HEATR4: variants seen among roughly 807,000 people sequenced by gnomAD.
HEATR4 encodes HEAT repeat-containing protein 4.
A neutral mutation model predicts 108.8 loss-of-function variants in HEATR4; 95 were observed. The observed-to-expected ratio is 0.87, with a 90% CI of 0.74 to 1.04. The LOEUF (loss-of-function observed/expected upper bound fraction) is 1.04. HEATR4 is among the 50% of genes least tolerant of loss of function. The probability of loss-of-function intolerance (pLI) is 0.00; values close to 1 mark genes in which losing one functional copy is unlikely to be tolerated. For missense variants in HEATR4, 1,152 were observed against 1,253.8 expected, an observed-to-expected ratio of 0.92 and a Z score of 1.23; for synonymous variants, 443 against 459.4, an observed-to-expected ratio of 0.96 and a Z score of 0.46.
chr14:73,577,349 G>A, the HEATR4 span, among the ~76,000 whole-genome samples: 7 of 135,952 alleles, frequency 5.1e-5, no homozygotes, highest in African/African-American at 1.7e-4. Flanking sequence ...CTGCAACCCA[G>A]GAATGCAGCT....
At chr14:73,595,901 C>T in the HEATR4 span, 2 of 357,966 alleles carry the variant, frequency 5.6e-6, no homozygotes, top group East Asian at 9.1e-5. Context: ...ATTTGTGTTT[C>T]CTTCTAGATT....
the HEATR4 span, among the ~76,000 whole-genome samples, chr14:73,614,419 G>C: frequency 1.3e-5 from 2 of 152,018 alleles, no homozygotes; most frequent in African/African-American, 2.4e-5. Context: ...AGAGGCTTTC[G>C]CAAGGATATA....
rs1403282174 is a variant in HEATR4, at chr14:73,531,896, G to T, written c.-151-1652C>A. 4.3e-4 allele frequency among the ~76,000 whole-genome samples: 49 copies of T among 113,566 alleles called. 9 individuals are homozygous for T. Among genetic ancestry groups the T allele is most frequent in the African/African-American group, 1.4e-3 (48 of 35,012 alleles). 74.5% of individuals were successfully genotyped at this position (113,566 alleles called of 152,430 possible). ...TTAAAAAGAAAATCAGCTGGGCCTG[G>T]TGGCGCATGCCTGTAATCCCAGCTA... On this transcript the variant is annotated intron_variant, in intron 1 of 17. Coordinates refer to ENST00000553558, the MANE Select transcript of HEATR4 (RefSeq NM_001220484.1).
chr14:73,539,115 G>C lies in HEATR4; in HGVS notation c.-151-8871C>G, dbSNP rs368566623. 4 of 114,482 alleles carry C rather than the reference G, an allele frequency of 3.5e-5. 1 individual carries two copies. The highest frequency in any genetic ancestry group is 1.1e-4 in the African/African-American group (4 of 35,150). The allele number at this position is 114,482 out of a possible 1,614,324, so 7.1% of individuals were successfully genotyped here. A position where few individuals can be genotyped will look rare whatever the true frequency, so the allele number is the denominator to read the frequency against. On this transcript the variant is annotated intron_variant, in intron 1 of 17. Coordinates refer to ENST00000553558, the MANE Select transcript of HEATR4 (RefSeq NM_001220484.1). ...GTTTTCTCACTGTATTTCCATGGCAGCTAGGAGGTGCCAGGTGGCTGGGCC... is the reference window on the plus strand; with the variant it reads ...GTTTTCTCACTGTATTTCCATGGCACCTAGGAGGTGCCAGGTGGCTGGGCC...
the HEATR4 span, chr14:73,612,745 C>G: frequency 2.9e-6 from 4 of 1,369,224 alleles, no homozygotes; most frequent in South Asian, 1.7e-5. Context: ...ACGCCCGCGA[C>G]GAGCTGGACC....
intron 1 of HEATR4, chr14:73,537,718 A>G (rs752489807): frequency 8.8e-6 from 11 of 1,245,398 alleles, no homozygotes; most frequent in Non-Finnish European, 9.6e-6. Context: ...GCGACGTGCG[A>G]ACGCCCTTGG....
chr14:73,617,101 A>G, the HEATR4 span: 1 of 1,590,924 alleles, frequency 6.3e-7, no homozygotes, highest in Non-Finnish European at 8.6e-7. Flanking sequence ...GCCCTGGCTT[A>G]TTTCAGATTT....
At chr14:73,585,005 C>G in the HEATR4 span, among the ~76,000 whole-genome samples, 1 of 151,772 alleles carries the variant, frequency 6.6e-6, no homozygotes, top group Non-Finnish European at 1.5e-5. Flanking sequence ...CTCACCCAGA[C>G]CCCCAACACC....
intron 17 of HEATR4, among the ~76,000 whole-genome samples, chr14:73,488,136 C>T (rs563766811): frequency 1.3e-5 from 2 of 152,248 alleles, no homozygotes; most frequent in South Asian, 4.2e-4. Flanking sequence ...TAAGGTTTGG[C>T]TCTGTGTCCC....
chr14:73,571,924 G>T, the HEATR4 span, among the ~76,000 whole-genome samples: 2 of 151,852 alleles, frequency 1.3e-5, no homozygotes, highest in South Asian at 4.2e-4. Flanking sequence ...AAAATGAAAT[G>T]ATGCTTATCC....
At chr14:73,537,340 G>A in intron 1 of HEATR4, 1 of 1,149,010 alleles carries the variant, frequency 8.7e-7, no homozygotes, top group Non-Finnish European at 1.2e-6. Flanking sequence ...TGCGACGGCA[G>A]CCCGAGAGGA....
chr14:73,624,665 A>T, the HEATR4 span, among the ~76,000 whole-genome samples: 2 of 152,204 alleles, frequency 1.3e-5, no homozygotes. Context: ...ACACAAATGC[A>T]CTAAGACAGG....
the HEATR4 span, among the ~76,000 whole-genome samples, chr14:73,629,769 C>G: frequency 6.6e-6 from 1 of 151,874 alleles, no homozygotes; most frequent in East Asian, 1.9e-4. Context: ...CTCAGCCTCC[C>G]AAGTAGCTGG....
chr14:73,542,917 A>G, intron 1 of HEATR4: 1 of 969,160 alleles, frequency 1.0e-6, no homozygotes, highest in South Asian at 1.8e-5. Flanking sequence ...AAATTCCCAA[A>G]GCTGCAAATC....
At chr14:73,500,507 T>A (rs1308349395) in intron 12 of HEATR4, 43 bp downstream of exon 12, 1 of 1,583,156 alleles carries the variant, frequency 6.3e-7, no homozygotes, top group Non-Finnish European at 8.6e-7. Flanking sequence ...AATGCCCTCT[T>A]CAGGTCAATC....
rs868658353 is a variant in HEATR4 at position 73,522,782 on chromosome 14, G to A, written c.371C>T (p.Ser124Phe). Reference sequence around the variant, plus strand: ...GGTGTCTCCTGTTAAGGGACTTGAGGAACCCAGGAACTTGAAGCTAACAGG... The same window carrying A: ...GGTGTCTCCTGTTAAGGGACTTGAGAAACCCAGGAACTTGAAGCTAACAGG... ...QKPVSFKFLG[S>F]SSPLTGDTSL... The change falls in exon 3 of 18, where the codon TCC (serine) becomes TTC (phenylalanine). Residue 124 changes from serine to phenylalanine, a missense_variant. Transcript: ENST00000553558. 2 of 1,614,196 alleles carry A rather than the reference G, an allele frequency of 1.2e-6. No homozygotes were observed. The highest frequency in any genetic ancestry group is 2.2e-5 in the East Asian group (1 of 44,884).
the HEATR4 span, chr14:73,592,067 G>A: frequency 1.4e-6 from 2 of 1,479,936 alleles, no homozygotes; most frequent in Non-Finnish European, 8.9e-7. Flanking sequence ...CGCTGCGCGC[G>A]TCCCTGCGCG....
chr14:73,522,258 C>G lies in HEATR4; in HGVS notation c.881+14G>C. The G allele has an allele frequency of 6.2e-7, 1 of 1,609,370 alleles. No individual in the cohort carries two copies. The highest frequency in any genetic ancestry group is 8.5e-7 in the Non-Finnish European group (1 of 1,177,262). On this transcript the variant is annotated intron_variant, in intron 3 of 17. Coordinates refer to ENST00000553558, the MANE Select transcript of HEATR4 (RefSeq NM_001220484.1). ...GGATTATCAAAGGTGCACTTGAGGC[C>G]CTGGCCAGTATACCTGTAGTAAACG...
At position 73,489,681 on chromosome 14, in the gene HEATR4, A is replaced by G. The variant is rs8003294; in HGVS notation, c.2844+3385T>C. On this transcript the variant is annotated intron_variant, in intron 17 of 17. Transcript: ENST00000553558. ...AAAAATTACACCCGCATGCCACCAC[A>G]TTGCCTGTTAAATTAGAAGCCGATT... 8.8e-3 allele frequency among the ~76,000 whole-genome samples: 1,345 copies of G among 152,320 alleles called. 23 individuals carry two copies. The highest frequency in any genetic ancestry group is 0.031 in the African/African-American group (1,292 of 41,574).
Sources: gnomAD v4.1 joint callset for allele counts (sites outside exome capture counted in the v4.1 genomes callset) on GRCh38, gnomAD v4.1.1 for gene constraint, MANE v1.5 for transcripts, NCBI Gene and HGNC (gene_info 2026-07-23, HGNC 2026-07-21) for gene names.